The following CCDC178 variants were observed in gnomAD, a reference collection of about 807,000 sequenced individuals.
CCDC178 encodes coiled-coil domain containing 178.
In CCDC178, 126 loss-of-function variants were observed where a neutral mutation model predicts 117.4. The observed-to-expected ratio is 1.07, with a 90% CI of 0.93 to 1.24. The LOEUF (loss-of-function observed/expected upper bound fraction) is 1.24, where lower values mean the gene tolerates loss of function less well. Ranked by LOEUF, CCDC178 falls within the 50% of genes most tolerant of loss-of-function variation. The pLI is 0.00. For synonymous variants in CCDC178, 283 were observed against 313.4 expected, an observed-to-expected ratio of 0.90 and a Z score of 1.02; for missense variants, 1,030 against 986.9, an observed-to-expected ratio of 1.04 and a Z score of -0.59.
chr18:32,948,053 T>C (rs1282289048), intron 22 of CCDC178, among the ~76,000 whole-genome samples: 1 of 152,170 alleles, frequency 6.6e-6, no homozygotes, highest in Non-Finnish European at 1.5e-5. Flanking sequence ...GTTCTATTCA[T>C]CTATTGATAT....
intron 20 of CCDC178, among the ~76,000 whole-genome samples, chr18:33,119,282 T>C (rs1199565746): frequency 6.6e-6 from 1 of 152,068 alleles, no homozygotes; most frequent in Non-Finnish European, 1.5e-5. Flanking sequence ...TTTTTGCAAT[T>C]TACTTATCTG....
chr18:33,252,589 T>G (rs1287554837), intron 14 of CCDC178, among the ~76,000 whole-genome samples: 1 of 151,748 alleles, frequency 6.6e-6, no homozygotes. Context: ...AATAGACTGG[T>G]AAGACATAGC....
intron 21 of CCDC178, among the ~76,000 whole-genome samples, chr18:33,090,199 T>G (rs1216780167): frequency 6.6e-6 from 1 of 152,184 alleles, no homozygotes; most frequent in African/African-American, 2.4e-5. Context: ...TTTCACTCTT[T>G]CATTAGGTTT....
At chr18:33,178,277 C>G (rs528517529) in intron 20 of CCDC178, among the ~76,000 whole-genome samples, 1 of 152,296 alleles carries the variant, frequency 6.6e-6, no homozygotes, top group Admixed American at 6.5e-5. Context: ...TCTGTCCCAC[C>G]AGTTCCCACA....
At chr18:33,116,066 G>C (rs982042415) in intron 20 of CCDC178, among the ~76,000 whole-genome samples, 9 of 152,006 alleles carry the variant, frequency 5.9e-5, no homozygotes, top group African/African-American at 2.2e-4. Flanking sequence ...GCCACACTGA[G>C]CTTAGCCGTC....
At chr18:33,201,632 T>G (rs1213602023) in intron 20 of CCDC178, among the ~76,000 whole-genome samples, 1 of 151,062 alleles carries the variant, frequency 6.6e-6, no homozygotes, top group African/African-American at 2.5e-5. Context: ...TGTGAAAAAA[T>G]CAGTTCTGCA....
intron 21 of CCDC178, among the ~76,000 whole-genome samples, chr18:33,073,721 C>T (rs2057155352): frequency 6.6e-6 from 1 of 151,992 alleles, no homozygotes; most frequent in Non-Finnish European, 1.5e-5. Context: ...AGAATAATGG[C>T]TGTGAATTAG....
At chr18:33,082,228 T>C (rs1196097801) in intron 21 of CCDC178, among the ~76,000 whole-genome samples, 2 of 152,124 alleles carry the variant, frequency 1.3e-5, no homozygotes, top group East Asian at 1.9e-4. Context: ...CCCAGCACTT[T>C]GGGAGGCCGA....
At chr18:32,965,118 CA>C (rs2054784708) in intron 22 of CCDC178, among the ~76,000 whole-genome samples, 1 of 151,850 alleles carries the variant, frequency 6.6e-6, no homozygotes, top group Non-Finnish European at 1.5e-5. Flanking sequence ...AATTGTAAAA[CA>C]AAATAAAAAT....
At chr18:33,076,721 C>T (rs1358784449) in intron 21 of CCDC178, among the ~76,000 whole-genome samples, 2 of 152,134 alleles carry the variant, frequency 1.3e-5, no homozygotes, top group Admixed American at 6.5e-5. Flanking sequence ...TGCATCTAAC[C>T]CTGTCATGCT....
chr18:33,383,262 T>C (rs2063458243), intron 5 of CCDC178, among the ~76,000 whole-genome samples: 2 of 152,138 alleles, frequency 1.3e-5, no homozygotes, highest in Non-Finnish European at 1.5e-5. Context: ...GGGGTGGCTG[T>C]GGTCTCAGGT....
At chr18:33,254,251 AACACAC>A (rs34689445) in intron 14 of CCDC178, among the ~76,000 whole-genome samples, 6,546 of 135,382 alleles carry the variant, frequency 0.048, 215 homozygotes, top group African/African-American at 0.1. Flanking sequence ...TCTATTGAGA[AACACAC>A]ACACACACAC....
intron 21 of CCDC178, among the ~76,000 whole-genome samples, chr18:33,003,264 A>T (rs1336297176): frequency 6.6e-6 from 1 of 152,170 alleles, no homozygotes; most frequent in Admixed American, 6.5e-5. Flanking sequence ...TCACTGACAA[A>T]CATTAATGAA....
At chr18:33,241,872 C>T (rs1235834130) in intron 15 of CCDC178, among the ~76,000 whole-genome samples, 1 of 151,438 alleles carries the variant, frequency 6.6e-6, no homozygotes, top group Admixed American at 6.6e-5. Flanking sequence ...CAATGCAATT[C>T]CTATAAAAAT....
chr18:33,433,356 G>A (rs904550644), intron 2 of CCDC178, among the ~76,000 whole-genome samples: 3 of 152,082 alleles, frequency 2.0e-5, no homozygotes, highest in Non-Finnish European at 4.4e-5. Flanking sequence ...TAGTTCATAT[G>A]AGCTACCAAA....
intron 21 of CCDC178, among the ~76,000 whole-genome samples, chr18:33,020,191 C>T (rs1272861894): frequency 2.6e-5 from 4 of 150,988 alleles, no homozygotes; most frequent in Non-Finnish European, 5.9e-5. Context: ...AACTCCTGGC[C>T]TGCCTCAGCC....
At chr18:33,160,298 T>C (rs2058447234) in intron 20 of CCDC178, among the ~76,000 whole-genome samples, 1 of 152,194 alleles carries the variant, frequency 6.6e-6, no homozygotes, top group African/African-American at 2.4e-5. Flanking sequence ...TGAATTGAAA[T>C]ATACACTTGA....
intron 20 of CCDC178, among the ~76,000 whole-genome samples, chr18:33,110,007 TAA>T (rs61642913): frequency 0.029 from 4,435 of 151,500 alleles, 91 homozygotes; most frequent in East Asian, 0.11. Context: ...CGCCAACATT[TAA>T]AAAAAGACTA....
intron 14 of CCDC178, among the ~76,000 whole-genome samples, chr18:33,260,503 AT>A (rs544329431): frequency 6.6e-6 from 1 of 150,666 alleles, no homozygotes; most frequent in South Asian, 2.1e-4. Flanking sequence ...TTCTTCACCA[AT>A]TTTTTTGGTT....
Sources: gnomAD v4.1 joint callset for allele counts (sites outside exome capture counted in the v4.1 genomes callset) on GRCh38, gnomAD v4.1.1 for gene constraint, MANE v1.5 for transcripts, NCBI Gene and HGNC (gene_info 2026-07-23, HGNC 2026-07-21) for gene names.